GLB1: variants seen among roughly 807,000 people sequenced by gnomAD.
The protein encoded by GLB1 is beta-galactosidase.
A neutral mutation model predicts 74.0 loss-of-function variants in GLB1; 56 were observed. The observed-to-expected ratio is 0.76, with a 90% CI of 0.61 to 0.94. The LOEUF (loss-of-function observed/expected upper bound fraction) is 0.94, where lower values mean the gene tolerates loss of function less well. GLB1 is among the 40% of genes least tolerant of loss of function. GLB1 has a pLI of 0.00. For missense variants in GLB1, 787 were observed against 845.5 expected (o/e 0.93, Z 0.86); for synonymous variants, 323 against 323.6 (o/e 1.00, Z 0.02).
chr3:33,026,230 CTCTT>C (rs1697749571), intron 10 of GLB1, among the ~76,000 whole-genome samples: 1 of 152,208 alleles, frequency 6.6e-6, no homozygotes, highest in Non-Finnish European at 1.5e-5. Context: ...CCTAGCCTCT[CTCTT>C]CTCCCAGCGC....
intron 1 of GLB1, chr3:33,077,594 A>C (rs921234421): frequency 2.2e-6 from 1 of 455,358 alleles, no homozygotes; most frequent in African/African-American, 2.0e-5. Context: ...CCTGACTACT[A>C]CAGTATAGTT....
In GLB1 at chr3:32,999,962, CTTTTTT is replaced by C. The variant is rs1310451279; in HGVS notation, c.1735-2624_1735-2619del. Among the ~76,000 whole-genome samples, 3 of 145,172 alleles carry C rather than the reference CTTTTTT, an allele frequency of 2.1e-5. No homozygotes were observed. In the East Asian group the frequency reaches 6.2e-4, roughly 30 times the overall value. ...CACCATGCCTGGCCTTTTTCTTTTT[CTTTTTT>C]CCTTTTTGAGGCAAGATCTCACTCC... On this transcript the variant is annotated intron_variant, in intron 15 of 15. Transcript: ENST00000307363.
chr3:32,969,168 T>TG, the GLB1 span, among the ~76,000 whole-genome samples: 1 of 152,186 alleles, frequency 6.6e-6, no homozygotes, highest in African/African-American at 2.4e-5. Flanking sequence ...GTGCTGGGTA[T>TG]GCAGTGGTGA....
At chr3:32,972,148 C>T in the GLB1 span, among the ~76,000 whole-genome samples, 5 of 152,002 alleles carry the variant, frequency 3.3e-5, no homozygotes, top group South Asian at 2.1e-4. Context: ...ATGGGGGTAC[C>T]GTACCCCCAT....
chr3:33,072,208 C>G (rs1266485117), intron 2 of GLB1, among the ~76,000 whole-genome samples: 1 of 152,112 alleles, frequency 6.6e-6, no homozygotes, highest in Non-Finnish European at 1.5e-5. Context: ...TAAACAGGAA[C>G]AATAATACCT....
At chr3:32,991,995 C>T (rs746370526), downstream of GLB1, among the ~76,000 whole-genome samples, 11 of 152,222 alleles carry the variant, frequency 7.2e-5, no homozygotes, top group Admixed American at 2.6e-4. Context: ...TGAGAAATGC[C>T]CCGTGGGCAA....
chr3:32,980,540 T>C, the GLB1 span, among the ~76,000 whole-genome samples: 17 of 152,364 alleles, frequency 1.1e-4, no homozygotes, highest in South Asian at 2.1e-4. Flanking sequence ...CCATCAGCTT[T>C]GGGAGGCCAA....
At chr3:33,094,758 T>C (rs965919769) in intron 1 of GLB1, among the ~76,000 whole-genome samples, 1 of 152,202 alleles carries the variant, frequency 6.6e-6, no homozygotes, top group Non-Finnish European at 1.5e-5. Flanking sequence ...ACATGAAAAT[T>C]TGACTGTCTT....
chr3:33,052,987 G>A (rs1699058739), intron 7 of GLB1, among the ~76,000 whole-genome samples: 1 of 152,198 alleles, frequency 6.6e-6, no homozygotes, highest in East Asian at 1.9e-4. Context: ...AGAAGGCGCA[G>A]GATATTAACC....
intron 1 of GLB1, among the ~76,000 whole-genome samples, chr3:33,075,673 A>G (rs951030186): frequency 6.6e-6 from 1 of 152,152 alleles, no homozygotes. Flanking sequence ...GAACCCAGGC[A>G]TGGCAGGGTT....
intron 15 of GLB1, among the ~76,000 whole-genome samples, chr3:33,000,600 G>A (rs1425573780): frequency 6.6e-6 from 1 of 152,112 alleles, no homozygotes. Flanking sequence ...GGTGGTGGGT[G>A]CCTGTAATCC....
intron 10 of GLB1, among the ~76,000 whole-genome samples, chr3:33,029,442 G>GT (rs1348362408): frequency 6.6e-6 from 1 of 151,998 alleles, no homozygotes; most frequent in East Asian, 1.9e-4. Context: ...CCTATGCTTG[G>GT]TACTAGACTT....
chr3:32,992,420 C>CAGTT (rs1696242554), downstream of GLB1, among the ~76,000 whole-genome samples: 1 of 152,184 alleles, frequency 6.6e-6, no homozygotes, highest in African/African-American at 2.4e-5. Context: ...TCCAGATGAT[C>CAGTT]AGTTACCTGC....
intron 1 of GLB1, among the ~76,000 whole-genome samples, chr3:33,084,001 T>C (rs1700416780): frequency 6.6e-6 from 1 of 152,202 alleles, no homozygotes; most frequent in Admixed American, 6.5e-5. Flanking sequence ...TCACAGATTA[T>C]GGGTCATGCT....
At chr3:33,035,178 T>C (rs773248430) in intron 10 of GLB1, among the ~76,000 whole-genome samples, 2 of 152,128 alleles carry the variant, frequency 1.3e-5, no homozygotes, top group Admixed American at 1.3e-4. Flanking sequence ...ATGCCTGTAA[T>C]GCCAGCACTC....
intron 10 of GLB1, among the ~76,000 whole-genome samples, chr3:33,026,143 C>G (rs867025686): frequency 2.6e-5 from 3 of 114,028 alleles, no homozygotes; most frequent in African/African-American, 5.3e-5. Context: ...CAGCTGCAGA[C>G]GGAAACATCT....
intron 9 of GLB1, among the ~76,000 whole-genome samples, chr3:33,051,425 C>A (rs1177713337): frequency 6.6e-6 from 1 of 150,458 alleles, no homozygotes; most frequent in African/African-American, 2.4e-5. Context: ...GGTGAAACCC[C>A]GTCTCTACTA....
chr3:33,087,579 GCACACACA>G (rs57935919), intron 1 of GLB1, among the ~76,000 whole-genome samples: 10,486 of 141,710 alleles, frequency 0.074, 546 homozygotes, highest in African/African-American at 0.11. Context: ...CAGCATGCGC[GCACACACA>G]CACACACACA....
chr3:32,994,807 G>T (rs1696279055), downstream of GLB1, among the ~76,000 whole-genome samples: 1 of 151,712 alleles, frequency 6.6e-6, no homozygotes, highest in Non-Finnish European at 1.5e-5. Context: ...TGTAATCCCA[G>T]CTACTCTGGA....
Sources: gnomAD v4.1 joint callset for allele counts (sites outside exome capture counted in the v4.1 genomes callset) on GRCh38, gnomAD v4.1.1 for gene constraint, MANE v1.5 for transcripts, NCBI Gene and HGNC (gene_info 2026-07-23, HGNC 2026-07-21) for gene names.